Variants in ZNF385B observed in about 807,000 individuals in gnomAD.
The protein encoded by ZNF385B is zinc finger protein 533.
ZNF385B carries 23 observed loss-of-function variants against 39.2 expected under a neutral mutation model. That is an observed-to-expected ratio of 0.59 (90% CI 0.42 to 0.83). The LOEUF is 0.83. Ranked by LOEUF, ZNF385B falls within the 40% of genes least tolerant of loss-of-function variation. ZNF385B has a pLI of 0.00. For missense variants in ZNF385B, 552 were observed against 598.9 expected (o/e 0.92, Z 0.82); for synonymous variants, 205 against 222.6 (o/e 0.92, Z 0.70).
At chr2:179,747,015 T>C (rs964276328) in intron 3 of ZNF385B, among the ~76,000 whole-genome samples, 1 of 152,022 alleles carries the variant, frequency 6.6e-6, no homozygotes, top group Non-Finnish European at 1.5e-5. Context: ...TTAAAAAGGG[T>C]TTTAGGTTCT....
At chr2:179,702,118 G>A (rs34641033) in intron 3 of ZNF385B, among the ~76,000 whole-genome samples, 25,519 of 151,976 alleles carry the variant, frequency 0.17, 2,427 homozygotes, top group Middle Eastern at 0.3. Flanking sequence ...AAACCTGCAC[G>A]TTGTGCACAT....
chr2:179,666,211 T>C (rs1410536617), intron 3 of ZNF385B, among the ~76,000 whole-genome samples: 1 of 152,234 alleles, frequency 6.6e-6, no homozygotes, highest in Non-Finnish European at 1.5e-5. Context: ...GGTTTTTGTT[T>C]TATTTCCAGA....
At chr2:179,558,483 G>T (rs1430987144) in intron 3 of ZNF385B, among the ~76,000 whole-genome samples, 2 of 152,118 alleles carry the variant, frequency 1.3e-5, no homozygotes, top group Non-Finnish European at 2.9e-5. Flanking sequence ...GTTAATATTT[G>T]CTCTGCTAGT....
chr2:179,514,059 A>C (rs760569189), intron 5 of ZNF385B: 1 of 152,248 alleles, frequency 6.6e-6, no homozygotes, highest in Non-Finnish European at 1.5e-5. Context: ...TTATAAACTT[A>C]GTGGCTTAAA....
intron 3 of ZNF385B, among the ~76,000 whole-genome samples, chr2:179,599,878 G>A (rs1408597797): frequency 6.6e-6 from 1 of 152,172 alleles, no homozygotes; most frequent in Admixed American, 6.5e-5. Flanking sequence ...TTTCTTCTAT[G>A]GTGAGGCGTA....
chr2:179,819,863 G>A (rs960075675), intron 1 of ZNF385B, among the ~76,000 whole-genome samples: 2 of 152,094 alleles, frequency 1.3e-5, no homozygotes, highest in African/African-American at 4.8e-5. Flanking sequence ...TGTAGTATAC[G>A]ATTGTATTAT....
chr2:179,496,831 T>G (rs1347505888), intron 5 of ZNF385B, among the ~76,000 whole-genome samples: 1 of 152,182 alleles, frequency 6.6e-6, no homozygotes, highest in Non-Finnish European at 1.5e-5. Flanking sequence ...GATGGATCAC[T>G]TGAGGCCAGG....
intron 1 of ZNF385B, among the ~76,000 whole-genome samples, chr2:179,817,126 A>C (rs894280631): frequency 6.6e-6 from 1 of 152,206 alleles, no homozygotes; most frequent in Non-Finnish European, 1.5e-5. Context: ...TCAGAAAAGC[A>C]ACCCAACTGC....
chr2:179,860,779 C>T, intron 1 of ZNF385B: 1 of 462,844 alleles, frequency 2.2e-6, no homozygotes, highest in Non-Finnish European at 4.5e-6. Context: ...CTCGTCCTTT[C>T]CCCTCTCCAT....
rs554722868 is a variant in ZNF385B at position 179,488,152 on chromosome 2, C to CT, written c.553-4719dup. On this transcript the variant is annotated intron_variant, in intron 5 of 9. Coordinates refer to ENST00000410066, the MANE Select transcript of ZNF385B (RefSeq NM_152520.6). ...TTACCTTACTTATTTCTTTTCTTTT[C>CT]TTTTTTTTTTGAGACGGAGCCTCAC... Among the ~76,000 whole-genome samples, 523 of 149,414 alleles carry CT rather than the reference C, an allele frequency of 3.5e-3. 4 individuals are homozygous for CT. Among genetic ancestry groups the CT allele is most frequent in the African/African-American group, 0.011 (455 of 40,848 alleles).
chr2:179,811,583 T>C (rs920374659), intron 1 of ZNF385B, among the ~76,000 whole-genome samples: 1 of 152,130 alleles, frequency 6.6e-6, no homozygotes, highest in Admixed American at 6.5e-5. Context: ...GGTGCTGAGA[T>C]AGCTGGCTAG....
chr2:179,644,273 G>A (rs1262058756), intron 3 of ZNF385B, among the ~76,000 whole-genome samples: 2 of 152,102 alleles, frequency 1.3e-5, no homozygotes, highest in Non-Finnish European at 2.9e-5. Context: ...CAGTTCACTT[G>A]CCTTGAATGA....
intron 1 of ZNF385B, among the ~76,000 whole-genome samples, chr2:179,773,508 G>A (rs570554857): frequency 9.2e-5 from 14 of 152,180 alleles, no homozygotes; most frequent in Admixed American, 2.6e-4. Context: ...ATGCTCCCTC[G>A]CTCGAGTCTC....
At chr2:179,576,900 T>C (rs1685889066) in intron 3 of ZNF385B, among the ~76,000 whole-genome samples, 1 of 152,156 alleles carries the variant, frequency 6.6e-6, no homozygotes, top group East Asian at 1.9e-4. Flanking sequence ...GAATCTCTGC[T>C]GCACTGTTTG....
At chr2:179,477,061 T>C (rs2053514950) in intron 6 of ZNF385B, among the ~76,000 whole-genome samples, 1 of 151,934 alleles carries the variant, frequency 6.6e-6, no homozygotes, top group Non-Finnish European at 1.5e-5. Context: ...CAGATAAGGG[T>C]GAGGAGGCAG....
chr2:179,715,007 C>A (rs1214233685), intron 3 of ZNF385B, among the ~76,000 whole-genome samples: 1 of 149,042 alleles, frequency 6.7e-6, no homozygotes, highest in East Asian at 2.0e-4. Flanking sequence ...AGTTTTGTCT[C>A]CCATATCTGT....
At chr2:179,750,435 T>A (rs1201918961) in intron 3 of ZNF385B, among the ~76,000 whole-genome samples, 1 of 152,122 alleles carries the variant, frequency 6.6e-6, no homozygotes, top group Non-Finnish European at 1.5e-5. Flanking sequence ...AGTAAGACAA[T>A]GACTTAGAAA....
At chr2:179,860,775 CT>C in intron 1 of ZNF385B, 2 of 462,386 alleles carry the variant, frequency 4.3e-6, no homozygotes, top group African/African-American at 2.0e-5. Flanking sequence ...TCTCCTCGTC[CT>C]TTCCCCTCTC....
chr2:179,612,134 T>G (rs1261860100), intron 3 of ZNF385B, among the ~76,000 whole-genome samples: 1 of 152,236 alleles, frequency 6.6e-6, no homozygotes, highest in Non-Finnish European at 1.5e-5. Context: ...AGTGTTATCT[T>G]AAATTTCATT....
Sources: gnomAD v4.1 joint callset for allele counts (sites outside exome capture counted in the v4.1 genomes callset) on GRCh38, gnomAD v4.1.1 for gene constraint, MANE v1.5 for transcripts, NCBI Gene and HGNC (gene_info 2026-07-23, HGNC 2026-07-21) for gene names.